KANSL1: variants seen among roughly 807,000 people sequenced by gnomAD.
The protein encoded by KANSL1 is MLL1/MLL complex subunit KANSL1.
A neutral mutation model predicts 103.6 loss-of-function variants in KANSL1; 22 were observed. The observed-to-expected ratio is 0.21, with a 90% CI of 0.15 to 0.30. The LOEUF is 0.30. KANSL1 is among the 10% of genes least tolerant of loss of function. The pLI is 1.00. For synonymous variants in KANSL1, 600 were observed against 527.6 expected, an observed-to-expected ratio of 1.14 and a Z score of -1.88; for missense variants, 1,337 against 1,399.8, an observed-to-expected ratio of 0.96 and a Z score of 0.72.
rs549810286 is a variant in KANSL1 at position 46,109,335 on chromosome 17, G to A, written c.1290-14634C>T. ...AAAAACGTTTCCGCTTTTACACATG[G>A]TAAAATACAAAATTCTCACATCTCA... is the stretch of plus-strand genomic sequence containing the variant. On this transcript the variant is annotated intron_variant, in intron 2 of 14. Transcript: ENST00000432791. Among the ~76,000 whole-genome samples the A allele has an allele frequency of 6.6e-5, 10 of 152,244 alleles. No homozygotes were observed. In the East Asian group the frequency reaches 1.9e-3, roughly 29 times the overall value.
chr17:46,049,760 G>C (rs542590875), intron 7 of KANSL1: 1 of 152,304 alleles, frequency 6.6e-6, no homozygotes, highest in South Asian at 2.1e-4. Flanking sequence ...ATTTAACAGG[G>C]AGGCAAACTT....
intron 2 of KANSL1, among the ~76,000 whole-genome samples, chr17:46,148,590 C>CTTCT (rs1555566557): frequency 0.094 from 13,629 of 145,530 alleles, 3 homozygotes; most frequent in Middle Eastern, 0.16. Context: ...CTTCACTTAC[C>CTTCT]TTTTTTTTTT....
Position 46,031,598 on chromosome 17 carries a change from G to A in KANSL1, c.3196C>T (p.Arg1066Cys), listed in dbSNP as rs1259929847. The A allele has an allele frequency of 3.1e-6, 5 of 1,614,130 alleles. No homozygotes were observed. The highest frequency in any genetic ancestry group is 3.3e-5 in the Admixed American group (2 of 60,024). The change falls in exon 15 of 15, where the codon CGC (arginine) becomes TGC (cysteine). Residue 1066 changes from arginine (R) to cysteine (C), a missense_variant. By Grantham distance (180) the Arg-to-Cys change is radical (BLOSUM62 -3). Around this residue, in one of 2 missense-constraint regions of KANSL1, gnomAD observed 780 missense variants for 923.4 expected, o/e 0.84. Coordinates refer to ENST00000432791, the MANE Select transcript of KANSL1 (RefSeq NM_015443.4). Reference protein sequence around the residue: ...AQERAARCTRRTSGSKTGRET... With the variant: ...AQERAARCTRCTSGSKTGRET... ...CGGCCAGTCTTGCTGCCTGAGGTGC[G>A]TCGAGTGCAGCGGGCTGCTCGCTCC...
intron 6 of KANSL1, among the ~76,000 whole-genome samples, chr17:46,061,513 A>G (rs2078157246): frequency 6.6e-6 from 1 of 152,278 alleles, no homozygotes; most frequent in South Asian, 2.1e-4. Context: ...CTAGACCCCT[A>G]AAGTGATGAA....
rs766008710 is a variant in KANSL1, at chr17:46,039,175, C to T, written c.2244G>A (p.Arg748=). The T allele has an allele frequency of 6.2e-7, 1 of 1,602,910 alleles. No individual in the cohort carries two copies. Among genetic ancestry groups the T allele is most frequent in the Non-Finnish European group, 8.5e-7 (1 of 1,176,328 alleles). The change falls in exon 9 of 15, where the codon AGG becomes AGA. Residue 748 remains arginine (R), a synonymous_variant. Coordinates refer to ENST00000432791, the MANE Select transcript of KANSL1 (RefSeq NM_015443.4). ...CGGCCCCCACATCGTCTAAGTGCTG[C>T]CTGTGGGTCCTGTCAGGCCGGGTTT... is the stretch of plus-strand genomic sequence containing the variant. The part of the protein sequence containing the change: ...HHQTRPDRTH[R]QHLDDVGAVP...
intron 7 of KANSL1, chr17:46,046,188 C>T (rs2077498018): frequency 6.6e-6 from 1 of 152,102 alleles, no homozygotes; most frequent in Admixed American, 6.6e-5. Context: ...TTTAGATAAG[C>T]CACAACCTTA....
chr17:46,153,930 C>T (rs985534796), intron 2 of KANSL1, among the ~76,000 whole-genome samples: 66 of 152,314 alleles, frequency 4.3e-4, no homozygotes, highest in African/African-American at 1.4e-3. Flanking sequence ...TATGTAAGGG[C>T]TTTAAATAAA....
At chr17:46,219,304 G>T (rs1381707710) in intron 1 of KANSL1, among the ~76,000 whole-genome samples, 2 of 150,774 alleles carry the variant, frequency 1.3e-5, no homozygotes, top group Non-Finnish European at 1.5e-5. Context: ...GCTAACTTAA[G>T]GGGATATACA....
intron 2 of KANSL1, among the ~76,000 whole-genome samples, chr17:46,153,681 T>C (rs555821958): frequency 6.6e-6 from 1 of 152,316 alleles, no homozygotes; most frequent in East Asian, 1.9e-4. Flanking sequence ...ATACACTAGA[T>C]TATCAAACCA....
intron 2 of KANSL1, among the ~76,000 whole-genome samples, chr17:46,165,240 C>CTTAT (rs377050127): frequency 0.14 from 21,928 of 151,932 alleles, 2,137 homozygotes; most frequent in Non-Finnish European, 0.22. Context: ...TTTATTTTTA[C>CTTAT]TTATTTATTT....
chr17:46,039,394 C>G, intron 8 of KANSL1, 179 bp from the exon 9 acceptor site: 1 of 623,726 alleles, frequency 1.6e-6, no homozygotes, highest in Non-Finnish European at 2.7e-6. Context: ...ACAGGGAGCC[C>G]AGAACCAGAG....
intron 2 of KANSL1, among the ~76,000 whole-genome samples, chr17:46,132,734 G>A (rs1269385560): frequency 6.6e-6 from 1 of 152,216 alleles, no homozygotes; most frequent in Admixed American, 6.5e-5. Context: ...AACCACTTGA[G>A]TCCAGGAGTT....
chr17:46,105,906 G>GACACACACACACACACACACAC (rs773000790), intron 2 of KANSL1, among the ~76,000 whole-genome samples: 2 of 95,182 alleles, frequency 2.1e-5, no homozygotes, highest in African/African-American at 9.1e-5. Context: ...GCAAGGCCTT[G>GACACACACACACACACACACAC]ACACACACAC....
intron 2 of KANSL1, among the ~76,000 whole-genome samples, chr17:46,146,588 C>T (rs7214453): frequency 0.075 from 8,487 of 113,156 alleles, 1,041 homozygotes; most frequent in African/African-American, 0.21. Context: ...AATCCCAGCA[C>T]TTTGGGAGGC....
intron 2 of KANSL1, among the ~76,000 whole-genome samples, chr17:46,135,821 G>T (rs12150295): frequency 0.12 from 18,233 of 147,446 alleles, 22 homozygotes; most frequent in Middle Eastern, 0.19. Flanking sequence ...GTGAGCCACT[G>T]CACCTGGCCT....
intron 3 of KANSL1, among the ~76,000 whole-genome samples, chr17:46,085,637 A>C (rs1276010131): frequency 2.6e-5 from 4 of 152,180 alleles, no homozygotes; most frequent in Non-Finnish European, 5.9e-5. Context: ...TAACAGGTGC[A>C]TGCCACCACA....
chr17:46,050,141 C>T (rs1403223261), intron 7 of KANSL1: 1 of 169,016 alleles, frequency 5.9e-6, no homozygotes, highest in African/African-American at 2.4e-5. Context: ...GTCTAGAACT[C>T]CTGACCTCAG....
intron 2 of KANSL1, among the ~76,000 whole-genome samples, chr17:46,125,939 T>G (rs1039869622): frequency 6.6e-6 from 1 of 152,230 alleles, no homozygotes; most frequent in Non-Finnish European, 1.5e-5. Context: ...CTAATCTTTA[T>G]ATGAACTCAA....
At chr17:46,137,449 C>G (rs740710) in intron 2 of KANSL1, among the ~76,000 whole-genome samples, 21,950 of 152,132 alleles carry the variant, frequency 0.14, 2,135 homozygotes, top group Non-Finnish European at 0.22. Context: ...ATGATTCTCG[C>G]AGCCCAGCAA....
Sources: gnomAD v4.1 joint callset for allele counts (sites outside exome capture counted in the v4.1 genomes callset) on GRCh38, gnomAD v4.1.1 for gene constraint, gnomAD v4.1.1 regional missense constraint, MANE v1.5 for transcripts, NCBI Gene and HGNC (gene_info 2026-07-23, HGNC 2026-07-21) for gene names.